RNF149: variants seen among roughly 807,000 people sequenced by gnomAD.
RNF149 encodes E3 ubiquitin-protein ligase RNF149.
Under a neutral mutation model 39.0 loss-of-function variants are expected in RNF149, and 21 were observed. That is an observed-to-expected ratio of 0.54 (90% CI 0.38 to 0.77). RNF149 has a LOEUF of 0.77. RNF149 is among the 30% of genes least tolerant of loss of function. The pLI, the probability that RNF149 is intolerant of heterozygous loss-of-function variation, is 0.00. For synonymous variants in RNF149, 209 were observed against 213.6 expected, an observed-to-expected ratio of 0.98 and a Z score of 0.19; for missense variants, 493 against 534.9, an observed-to-expected ratio of 0.92 and a Z score of 0.77.
At position 101,301,818 on chromosome 2, in the gene RNF149, G is replaced by C. The variant is rs114422131; in HGVS notation, c.460+6311C>G. On this transcript the variant is annotated intron_variant, in intron 1 of 6. Coordinates refer to ENST00000295317, the MANE Select transcript of RNF149 (RefSeq NM_173647.4). Reference sequence around the variant, plus strand: ...AATTCTTCTGGATGACATGAGTCTAGTGTACTATTTCTCCTCTCAAGACAA... The same window carrying C: ...AATTCTTCTGGATGACATGAGTCTACTGTACTATTTCTCCTCTCAAGACAA... Among the ~76,000 whole-genome samples the C allele has an allele frequency of 3.2e-3, 488 of 152,290 alleles. 2 individuals carry two copies. The highest frequency in any genetic ancestry group is 5.8e-3 in the Non-Finnish European group (397 of 68,022).
chr2:101,300,892 C>G (rs1186214676), intron 1 of RNF149, among the ~76,000 whole-genome samples: 1 of 152,194 alleles, frequency 6.6e-6, no homozygotes, highest in East Asian at 1.9e-4. Flanking sequence ...GTGCCAGGCA[C>G]GGGCACCTTG....
At chr2:101,291,749 C>T (rs138845615) in intron 3 of RNF149, among the ~76,000 whole-genome samples, 339 of 152,270 alleles carry the variant, frequency 2.2e-3, no homozygotes, top group Non-Finnish European at 3.7e-3. Context: ...CAAGTTTATA[C>T]ATTACTGTGA....
At chr2:101,298,478 T>C (rs1467101492) in intron 1 of RNF149, among the ~76,000 whole-genome samples, 1 of 152,072 alleles carries the variant, frequency 6.6e-6, no homozygotes, top group Admixed American at 6.6e-5. Context: ...GCCAATGTTC[T>C]TTCCTAAGTT....
chr2:101,308,310 G>T lies in RNF149; in HGVS notation c.279C>A (p.Asp93Glu). Reference sequence around the variant, plus strand: ...CGGGCTCGGGCACGAAGAAGCGCGTGTCGGGCGCGCAGCCCTCGAGGTCTC... The same window carrying T: ...CGGGCTCGGGCACGAAGAAGCGCGTTTCGGGCGCGCAGCCCTCGAGGTCTC... ...PGGDLEGCAP[D>E]TRFFVPEPGG... Residue 93 changes from aspartate to glutamate, a missense_variant, in exon 1 of 7, where the codon GAC becomes GAA. Asp to Glu is a conservative substitution (Grantham distance 45). Coordinates refer to ENST00000295317, the MANE Select transcript of RNF149 (RefSeq NM_173647.4). 6.3e-7 allele frequency: 1 copy of T among 1,583,216 alleles called. No individual in the cohort carries two copies. The highest frequency in any genetic ancestry group is 2.3e-5 in the East Asian group (1 of 42,590).
intron 1 of RNF149, among the ~76,000 whole-genome samples, chr2:101,304,265 C>T (rs116137282): frequency 2.0e-5 from 3 of 152,002 alleles, no homozygotes; most frequent in Admixed American, 1.3e-4. Flanking sequence ...GACACGGTGG[C>T]GTGCACTTGT....
At chr2:101,294,893 T>C in intron 2 of RNF149, 38 bp downstream of exon 2, 2 of 1,528,764 alleles carry the variant, frequency 1.3e-6, no homozygotes, top group East Asian at 2.3e-5. Flanking sequence ...TTATGAATTA[T>C]CTTTTAAAAA....
At chr2:101,274,079 C>CAAATTTAT (rs1423142607), downstream of RNF149, among the ~76,000 whole-genome samples, 4 of 149,426 alleles carry the variant, frequency 2.7e-5, no homozygotes, top group Non-Finnish European at 4.4e-5. Flanking sequence ...AAACACCCGT[C>CAAATTTAT]AAATTTATTG....
intron 3 of RNF149, 76 bp downstream of exon 3, chr2:101,293,938 C>G (rs1683115734): frequency 1.2e-6 from 1 of 821,254 alleles, no homozygotes. Flanking sequence ...TCTGCCAATC[C>G]TTCTTTAAAA....
intron 1 of RNF149, among the ~76,000 whole-genome samples, chr2:101,297,876 A>G (rs1456775357): frequency 6.6e-6 from 1 of 152,230 alleles, no homozygotes; most frequent in Non-Finnish European, 1.5e-5. Flanking sequence ...TTTTAAACAC[A>G]TGAAAAGTCT....
At chr2:101,272,875 T>A, downstream of RNF149, 1 of 1,142,498 alleles carries the variant, frequency 8.8e-7, no homozygotes, top group South Asian at 1.2e-5. Context: ...TTTTTAAATT[T>A]CAGTTCTCTT....
chr2:101,294,230 T>C (rs1326890297), intron 2 of RNF149, 148 bp from the exon 3 acceptor site: 8 of 529,862 alleles, frequency 1.5e-5, no homozygotes, highest in Non-Finnish European at 2.7e-5. Flanking sequence ...AAATAACTTT[T>C]AATGGCAAAA....
downstream of RNF149, chr2:101,273,316 C>A (rs1380822902): frequency 4.2e-6 from 2 of 471,760 alleles, no homozygotes; most frequent in East Asian, 1.4e-4. Context: ...AAATACTGGT[C>A]CACATGACAT....
intron 5 of RNF149, 59 bp downstream of exon 5, chr2:101,286,022 A>T: frequency 2.0e-6 from 2 of 976,390 alleles, no homozygotes; most frequent in Non-Finnish European, 3.3e-6. Context: ...CAATAATGAA[A>T]CTGAATCACT....
intron 1 of RNF149, among the ~76,000 whole-genome samples, chr2:101,295,740 T>G (rs1683207656): frequency 6.6e-6 from 1 of 151,442 alleles, no homozygotes; most frequent in Non-Finnish European, 1.5e-5. Context: ...CACCAAACCT[T>G]TAAGGCACAA....
In RNF149 at chr2:101,295,184, G is replaced by A. The variant is rs376289121; in HGVS notation, c.461-3C>T. 4 of 1,610,248 alleles carry A rather than the reference G, an allele frequency of 2.5e-6. No homozygotes were observed. The highest frequency in any genetic ancestry group is 2.7e-5 in the African/African-American group (2 of 74,730). On this transcript the variant is annotated splice_polypyrimidine_tract_variant and splice_region_variant and intron_variant, in intron 1 of 6. Coordinates refer to ENST00000295317, the MANE Select transcript of RNF149 (RefSeq NM_173647.4). ...AATGACCACTATATTTCCTGTTCCT[G>A]TAGGAAAGAACAAAGAAATCAATGT...
chr2:101,294,189 T>C lies in RNF149; in HGVS notation c.712-107A>G. 4.6e-6 allele frequency: 3 copies of C among 655,018 alleles called. No homozygotes were observed. In the South Asian group the frequency reaches 5.7e-5, roughly 12 times the overall value. The allele number at this position is 655,018 out of a possible 1,614,324, so 40.6% of individuals were successfully genotyped here. On this transcript the variant is annotated intron_variant, in intron 2 of 6. Transcript: ENST00000295317. ...ACATAAGCATACAGAAAACATTTCA[T>C]TTGAAAGGCAAAGTCAAATGACTAT...
At chr2:101,304,163 A>C (rs1683568674) in intron 1 of RNF149, among the ~76,000 whole-genome samples, 1 of 152,174 alleles carries the variant, frequency 6.6e-6, no homozygotes, top group African/African-American at 2.4e-5. Flanking sequence ...GTGGGAGGCC[A>C]AGACAGGCAG....
chr2:101,273,440 TAA>T, downstream of RNF149: 1 of 429,768 alleles, frequency 2.3e-6, no homozygotes, highest in South Asian at 1.7e-5. Flanking sequence ...CTTATCAACT[TAA>T]AACTTTCAGC....
rs1221432106 is a variant in RNF149 at position 101,282,051 on chromosome 2, G to C, written c.967C>G (p.Pro323Ala). The change falls in exon 6 of 7, where the codon CCT becomes GCT. Residue 323 changes from proline (P) to alanine (A), a missense_variant. By Grantham distance (27) the Pro-to-Ala change is conservative. Coordinates refer to ENST00000295317, the MANE Select transcript of RNF149 (RefSeq NM_173647.4). ...GCAGGCATCTCCTGTACATCCCCAG[G>C]CTCTCCCTTGAGAATTAGAACAGAA... ...VIKALGYWGE[P>A]GDVQEMPAPE... is the part of the protein sequence containing the mutation. 6.2e-7 allele frequency: 1 copy of C among 1,613,636 alleles called. No homozygotes were observed. Among genetic ancestry groups the C allele is most frequent in the African/African-American group, 1.3e-5 (1 of 74,920 alleles).
Sources: gnomAD v4.1 joint callset for allele counts (sites outside exome capture counted in the v4.1 genomes callset) on GRCh38, gnomAD v4.1.1 for gene constraint, MANE v1.5 for transcripts, NCBI Gene and HGNC (gene_info 2026-07-23, HGNC 2026-07-21) for gene names.